The following HNRNPK variants were observed in gnomAD, a reference collection of about 807,000 sequenced individuals.
HNRNPK encodes dC-stretch binding protein.
In HNRNPK, 7 loss-of-function variants were observed where a neutral mutation model predicts 67.0. The observed-to-expected ratio is 0.10, with a 90% confidence interval of 0.06 to 0.20. The LOEUF (loss-of-function observed/expected upper bound fraction) is 0.20. HNRNPK is among the 10% of genes least tolerant of loss of function. The pLI is 1.00. For missense variants in HNRNPK, 264 were observed against 606.5 expected (o/e 0.44, Z 5.93); for synonymous variants, 213 against 193.7 (o/e 1.10, Z -0.83).
chr9:83,978,198 A>G lies in HNRNPK; in HGVS notation c.55T>C (p.Phe19Leu). 1 of 1,599,166 alleles carries G rather than the reference A, an allele frequency of 6.3e-7. No individual in the cohort carries two copies. The highest frequency in any genetic ancestry group is 8.6e-7 in the Non-Finnish European group (1 of 1,167,886). ...TFPNTETNGEFGKRPAEDMEE... is the reference protein window; with the variant it reads ...TFPNTETNGELGKRPAEDMEE... ...TAAAACTAAAATTTCTTCTCACCAA[A>G]TTCACCATTGGTTTCAGTGTTAGGG... The change falls in exon 3 of 17, where the codon TTT becomes CTT. Residue 19 changes from phenylalanine (F) to leucine (L), a missense_variant. Physicochemically the swap from Phe to Leu is conservative, Grantham distance 22. Coordinates refer to ENST00000376263, the MANE Select transcript of HNRNPK (RefSeq NM_031263.4).
chr9:83,970,377 A>G (rs377702260), intron 15 of HNRNPK, 46 bp from the exon 16 acceptor site: 152 of 1,395,344 alleles, frequency 1.1e-4, no homozygotes, highest in Non-Finnish European at 1.1e-4. Flanking sequence ...TACTTTTAAC[A>G]TTTACTACCT....
intron 1 of HNRNPK, among the ~76,000 whole-genome samples, chr9:83,979,844 A>T (rs926562826): frequency 6.6e-5 from 10 of 151,960 alleles, no homozygotes; most frequent in Non-Finnish European, 1.3e-4. Context: ...ACACAAAGAG[A>T]GCGGCGGCGC....
At chr9:83,980,372 G>A (rs939058348), upstream of HNRNPK, 6 of 152,530 alleles carry the variant, frequency 3.9e-5, no homozygotes, top group Admixed American at 2.6e-4. Context: ...TCCCGCCAGC[G>A]CCTCCCTTCG....
chr9:83,971,570 G>A, intron 12 of HNRNPK, 102 bp downstream of exon 12: 1 of 999,964 alleles, frequency 1.0e-6, no homozygotes, highest in South Asian at 1.4e-5. Context: ...AAATTTACTT[G>A]TAAGAAAAAC....
chr9:83,974,615 A>G, intron 6 of HNRNPK, 26 bp from the exon 7 acceptor site: 1 of 1,533,886 alleles, frequency 6.5e-7, no homozygotes, highest in South Asian at 1.2e-5. Context: ...AATACCAGAT[A>G]GTACAAAAAA....
Position 83,970,879 on chromosome 9 carries a change from A to T in HNRNPK, c.1108+18T>A. 6.2e-7 allele frequency: 1 copy of T among 1,612,106 alleles called. No individual in the cohort carries two copies. The highest frequency in any genetic ancestry group is 8.5e-7 in the Non-Finnish European group (1 of 1,178,190). ...AAGTATGAAATTAATGTTTGACTTC[A>T]CAAAGGAGAGAACTTACCATATCCG... On this transcript the variant is annotated intron_variant, in intron 14 of 16. Coordinates refer to ENST00000376263, the MANE Select transcript of HNRNPK (RefSeq NM_031263.4).
rs555178645 is a variant in HNRNPK at position 83,971,730 on chromosome 9, C to T, written c.954-4G>A. 2 of 1,613,360 alleles carry T rather than the reference C, an allele frequency of 1.2e-6. No individual in the cohort carries two copies. The highest frequency in any genetic ancestry group is 2.2e-5 in the East Asian group (1 of 44,878). On this transcript the variant is annotated splice_region_variant and splice_polypyrimidine_tract_variant and intron_variant, in intron 11 of 16. Transcript: ENST00000376263. Reference sequence around the variant, plus strand: ...TCTGTCATAGGCCATGAGGTCTCTGCAAGCATAGTACTTGTTGTAATCTAA... The same window carrying T: ...TCTGTCATAGGCCATGAGGTCTCTGTAAGCATAGTACTTGTTGTAATCTAA...
At chr9:83,977,215 A>G (rs961573657) in intron 4 of HNRNPK, among the ~76,000 whole-genome samples, 164 bp from the exon 5 acceptor site, 8 of 152,220 alleles carry the variant, frequency 5.3e-5, no homozygotes, top group Admixed American at 2.0e-4. Flanking sequence ...CCAAAAATCA[A>G]AATATAATTC....
At chr9:83,978,170 T>G in intron 3 of HNRNPK, 25 bp downstream of exon 3, 3 of 1,456,754 alleles carry the variant, frequency 2.1e-6, no homozygotes, top group Non-Finnish European at 1.9e-6. Context: ...AAAAAAATAC[T>G]GTTAAAACTA....
chr9:83,971,452 G>A, intron 12 of HNRNPK, 96 bp from the exon 13 acceptor site: 2 of 925,002 alleles, frequency 2.2e-6, no homozygotes, highest in Non-Finnish European at 3.5e-6. Flanking sequence ...TAAAACAAAA[G>A]AGGGTACATA....
In HNRNPK at chr9:83,974,560, G is replaced by A; in HGVS notation, c.287C>T (p.Thr96Ile). Residue 96 changes from threonine to isoleucine, a missense_variant, in exon 7 of 17, where the codon ACA becomes ATA. This residue lies in a region of HNRNPK where 39 missense variants were observed against 54.4 expected (regional missense o/e 0.72). Coordinates refer to ENST00000376263, the MANE Select transcript of HNRNPK (RefSeq NM_031263.4). ...RILSISADIE[T>I]IGEILKKIIP... ...GATTTTCTTCAGAATTTCTCCAATT[G>A]TTTCAATATCAGCACTGATACTCAA... 1 of 1,602,608 alleles carries A rather than the reference G, an allele frequency of 6.2e-7. No homozygotes were observed. Among genetic ancestry groups the A allele is most frequent in the Non-Finnish European group, 8.5e-7 (1 of 1,173,010 alleles).
chr9:83,974,095 C>T lies in HNRNPK; in HGVS notation c.331-122G>A, dbSNP rs187914038. ...TATATTATTAAATAATGAGAAACTG[C>T]TTTATTCAACATTAAGACGATTCAA... On this transcript the variant is annotated intron_variant, in intron 7 of 16. Transcript: ENST00000376263. 11 of 607,254 alleles carry T rather than the reference C, an allele frequency of 1.8e-5. No homozygotes were observed. The Admixed American group carries it at 3.1e-4, about 17-fold the overall frequency. 37.6% of individuals were successfully genotyped at this position (607,254 alleles called of 1,614,324 possible).
intron 6 of HNRNPK, 151 bp downstream of exon 6, chr9:83,975,311 G>A (rs1957028096): frequency 1.4e-6 from 1 of 716,998 alleles, no homozygotes; most frequent in African/African-American, 1.8e-5. Flanking sequence ...AAAGTTCAGT[G>A]ACAAAAAGAC....
chr9:83,977,605 T>G (rs1957130282), intron 4 of HNRNPK, 84 bp downstream of exon 4: 1 of 749,828 alleles, frequency 1.3e-6, no homozygotes, highest in African/African-American at 1.8e-5. Flanking sequence ...TCTGTAAAAC[T>G]TTGACTTTCT....
chr9:83,972,290 C>T, intron 10 of HNRNPK, 101 bp from the exon 11 acceptor site: 1 of 861,612 alleles, frequency 1.2e-6, no homozygotes, highest in Non-Finnish European at 1.8e-6. Flanking sequence ...AAGTCATTCC[C>T]CCATCAGGAG....
Position 83,970,373 on chromosome 9 carries a change from TAACA to T in HNRNPK, c.1192-46_1192-43del. 2.1e-6 allele frequency: 3 copies of T among 1,410,014 alleles called. No individual in the cohort carries two copies. The South Asian group carries it at 3.7e-5, about 17-fold the overall frequency. 87.3% of individuals were successfully genotyped at this position (1,410,014 alleles called of 1,614,324 possible). Reference sequence around the variant, plus strand: ...AAAGTATGTGTTTACGATATACTTTTAACATTTACTACCTGTATTTTCAAGGAGC... The same window carrying T: ...AAAGTATGTGTTTACGATATACTTTTTTTACTACCTGTATTTTCAAGGAGC... On this transcript the variant is annotated intron_variant, in intron 15 of 16. Transcript: ENST00000376263.
chr9:83,974,434 C>T (rs1288555477), intron 7 of HNRNPK, 83 bp downstream of exon 7: 22 of 644,998 alleles, frequency 3.4e-5, no homozygotes, highest in Non-Finnish European at 6.0e-5. Flanking sequence ...GTCTCTCCAC[C>T]TCCCCCATCA....
intron 4 of HNRNPK, 65 bp from the exon 5 acceptor site, chr9:83,977,116 C>G: frequency 2.6e-6 from 3 of 1,137,690 alleles, no homozygotes; most frequent in Non-Finnish European, 2.6e-6. Context: ...TACCTACGCT[C>G]TTAGATTTTG....
intron 15 of HNRNPK, 43 bp downstream of exon 15, chr9:83,970,694 A>G (rs1261160563): frequency 2.5e-6 from 3 of 1,178,032 alleles, no homozygotes; most frequent in African/African-American, 3.1e-5. Flanking sequence ...AGGAATAATC[A>G]TAAAAGTGAT....
Sources: gnomAD v4.1 joint callset for allele counts (sites outside exome capture counted in the v4.1 genomes callset) on GRCh38, gnomAD v4.1.1 for gene constraint, gnomAD v4.1.1 regional missense constraint, MANE v1.5 for transcripts, NCBI Gene and HGNC (gene_info 2026-07-23, HGNC 2026-07-21) for gene names.